SYNE1: variants seen among roughly 807,000 people sequenced by gnomAD.
SYNE1 encodes the protein spectrin repeat containing nuclear envelope protein 1, also known as nesprin-1.
Under a neutral mutation model 1,111.0 loss-of-function variants are expected in SYNE1, and 616 were observed. That is an observed-to-expected ratio of 0.55 (90% CI 0.52 to 0.59). The LOEUF is 0.59. Ranked by LOEUF, SYNE1 falls within the 20% of genes least tolerant of loss-of-function variation. SYNE1 has a pLI of 0.00. For missense variants in SYNE1, 10,006 were observed against 10,417.0 expected, an observed-to-expected ratio of 0.96 and a Z score of 1.72; for synonymous variants, 3,855 against 3,825.8, an observed-to-expected ratio of 1.01 and a Z score of -0.28.
chr6:152,559,411 A>G (rs1324623153), intron 3 of SYNE1, among the ~76,000 whole-genome samples: 1 of 152,148 alleles, frequency 6.6e-6, no homozygotes, highest in African/African-American at 2.4e-5. Flanking sequence ...CTCTTATCAT[A>G]TTTAAGAAAG....
At position 152,281,940 on chromosome 6, in the gene SYNE1, T is replaced by G; in HGVS notation, c.18248A>C (p.Gln6083Pro). The G allele has an allele frequency of 6.2e-7, 1 of 1,614,188 alleles. No individual in the cohort carries two copies. Among genetic ancestry groups the G allele is most frequent in the Non-Finnish European group, 8.5e-7 (1 of 1,180,040 alleles). Reference protein sequence around the residue: ...NDQLEEQRQEQALQRYRCEAD... With the variant: ...NDQLEEQRQEPALQRYRCEAD... ...TTCACAGCGATACCTCTGCAGGGCCTGTTCCTGCCTTTGTTCCTCCAGCTG... is the reference window on the plus strand; with the variant it reads ...TTCACAGCGATACCTCTGCAGGGCCGGTTCCTGCCTTTGTTCCTCCAGCTG... The change falls in exon 97 of 146, where the codon CAG (glutamine) becomes CCG (proline). Residue 6083 changes from glutamine (Q) to proline (P), a missense_variant. By Grantham distance (76) the Gln-to-Pro change is moderately conservative. Transcript: ENST00000367255.
At chr6:152,604,994 AAGAAAGAAAGAAAGAGAG>A (rs1350521982) in intron 3 of SYNE1, among the ~76,000 whole-genome samples, 25 of 26,940 alleles carry the variant, frequency 9.3e-4, no homozygotes, top group East Asian at 3.6e-3. Flanking sequence ...GAAAGAAAGA[AAGAAAGAAAGAAAGAGAG>A]AGAGAGAGAG....
intron 121 of SYNE1, among the ~76,000 whole-genome samples, chr6:152,215,807 C>G (rs974894757): frequency 1.3e-5 from 2 of 152,176 alleles, no homozygotes; most frequent in African/African-American, 4.8e-5. Flanking sequence ...AAGTAAATTG[C>G]TCCAGGCCAG....
chr6:152,256,819 T>TTC, intron 101 of SYNE1, 54 bp from the exon 102 acceptor site: 1 of 1,607,448 alleles, frequency 6.2e-7, no homozygotes, highest in East Asian at 2.2e-5. Flanking sequence ...TGTCCCAGTA[T>TTC]TCTCATTTGG....
chr6:152,471,468 C>G (rs55838073), intron 16 of SYNE1, 129 bp downstream of exon 16: 2 of 853,256 alleles, frequency 2.3e-6, no homozygotes, highest in South Asian at 3.1e-5. Flanking sequence ...AAACTTGTAT[C>G]TAACCCATTT....
chr6:152,492,034 A>G, intron 11 of SYNE1, among the ~76,000 whole-genome samples: 1 of 152,186 alleles, frequency 6.6e-6, no homozygotes, highest in Non-Finnish European at 1.5e-5. Context: ...CTCAAGGCAG[A>G]GTCAAGGTTA....
At chr6:152,522,659 T>C (rs1322928638) in intron 5 of SYNE1, among the ~76,000 whole-genome samples, 2 of 152,172 alleles carry the variant, frequency 1.3e-5, no homozygotes, top group African/African-American at 4.8e-5. Context: ...TGTATTAATT[T>C]ACATTCCCAC....
In SYNE1 at chr6:152,133,176, G is replaced by A. The variant is rs983681646; in HGVS notation, c.26001+100C>T. 5 of 1,143,422 alleles carry A rather than the reference G, an allele frequency of 4.4e-6. No individual in the cohort carries two copies. In the African/African-American group the frequency reaches 6.1e-5, roughly 14 times the overall value. 70.8% of individuals were successfully genotyped at this position (1,143,422 alleles called of 1,614,324 possible). A position where few individuals can be genotyped will look rare whatever the true frequency, so the allele number is the denominator to read the frequency against. ...TGGCTGAAAGGAGACACTCCATTCT[G>A]ACAAGTACTATATTTAAAGTCTTTC... On this transcript the variant is annotated intron_variant, in intron 143 of 145. Transcript: ENST00000367255.
intron 140 of SYNE1, among the ~76,000 whole-genome samples, chr6:152,138,229 G>A (rs961990222): frequency 2.0e-5 from 3 of 152,120 alleles, no homozygotes; most frequent in Non-Finnish European, 4.4e-5. Flanking sequence ...ATTTAAAACA[G>A]ACCAGGCGCA....
At chr6:152,441,317 A>G (rs1368715575) in intron 31 of SYNE1, 47 bp from the exon 32 acceptor site, 1 of 1,561,998 alleles carries the variant, frequency 6.4e-7, no homozygotes, top group Non-Finnish European at 8.7e-7. Context: ...ATGTCACACA[A>G]TACTATCATA....
At chr6:152,489,964 C>A (rs1042361791) in intron 11 of SYNE1, among the ~76,000 whole-genome samples, 1 of 152,146 alleles carries the variant, frequency 6.6e-6, no homozygotes. Context: ...ATTGAGAACA[C>A]TTCTCTATGA....
At chr6:152,630,915 G>A (rs762450857) in intron 2 of SYNE1, among the ~76,000 whole-genome samples, 4 of 152,028 alleles carry the variant, frequency 2.6e-5, no homozygotes, top group Admixed American at 6.6e-5. Flanking sequence ...TCTCTCTCTC[G>A]TTACATTAAA....
chr6:152,582,420 T>A (rs1322513), intron 3 of SYNE1, among the ~76,000 whole-genome samples: 3,250 of 152,222 alleles, frequency 0.021, 124 homozygotes, highest in African/African-American at 0.074. Flanking sequence ...TATGTGTATA[T>A]ATACATGTGT....
intron 100 of SYNE1, among the ~76,000 whole-genome samples, chr6:152,264,434 C>T (rs2092461919): frequency 6.6e-6 from 1 of 151,886 alleles, no homozygotes; most frequent in African/African-American, 2.4e-5. Flanking sequence ...ACCCCAAAGC[C>T]AATTATTCTT....
intron 4 of SYNE1, among the ~76,000 whole-genome samples, chr6:152,536,303 C>A (rs965622720): frequency 6.9e-6 from 1 of 145,034 alleles, no homozygotes; most frequent in African/African-American, 2.5e-5. Flanking sequence ...TTTACCAAAT[C>A]CAATGTTCTG....
intron 131 of SYNE1, among the ~76,000 whole-genome samples, chr6:152,156,785 G>GTGCTAGACC (rs2061460578): frequency 6.6e-6 from 1 of 152,078 alleles, no homozygotes; most frequent in African/African-American, 2.4e-5. Flanking sequence ...ATATATGCAT[G>GTGCTAGACC]TGCTAGACCT....
At position 152,330,898 on chromosome 6, in the gene SYNE1, G is replaced by A; in HGVS notation, c.13787C>T (p.Ser4596Phe). Reference sequence around the variant, plus strand: ...TTTAGCCAGTTGTGTATGAAGCTCAGAACTCTCATTCATTAGGTTGATTTC... The same window carrying A: ...TTTAGCCAGTTGTGTATGAAGCTCAAAACTCTCATTCATTAGGTTGATTTC... ...FPEINLMNES[S>F]ELHTQLAKYQ... Residue 4596 changes from serine (S) to phenylalanine (F), a missense_variant, in exon 78 of 146, where the codon TCT becomes TTT. This residue lies in a region of SYNE1 where 4,955 missense variants were observed against 5,017.2 expected (regional missense o/e 0.99). Coordinates refer to ENST00000367255, the MANE Select transcript of SYNE1 (RefSeq NM_182961.4). The A allele has an allele frequency of 6.2e-7, 1 of 1,614,036 alleles. No homozygotes were observed. Among genetic ancestry groups the A allele is most frequent in the Non-Finnish European group, 8.5e-7 (1 of 1,179,932 alleles).
At chr6:152,377,951 C>T (rs1181557028) in intron 56 of SYNE1, among the ~76,000 whole-genome samples, 2 of 152,142 alleles carry the variant, frequency 1.3e-5, no homozygotes, top group Admixed American at 1.3e-4. Context: ...AGCTACATTA[C>T]TGTGTACACC....
chr6:152,559,888 T>C (rs1276619925), intron 3 of SYNE1, among the ~76,000 whole-genome samples: 1 of 151,890 alleles, frequency 6.6e-6, no homozygotes, highest in African/African-American at 2.4e-5. Context: ...TTAGCTAGAC[T>C]AAAGAAAAGA....
Sources: allele counts gnomAD v4.1 joint callset (sites outside exome capture counted in the v4.1 genomes callset), GRCh38; gene constraint gnomAD v4.1.1; regional missense constraint gnomAD v4.1.1; transcripts MANE v1.5; gene names NCBI Gene and HGNC (gene_info 2026-07-23, HGNC 2026-07-21).